Variants in FGF14 observed in about 807,000 individuals in gnomAD.
The protein encoded by FGF14 is fibroblast growth factor 14, also known as fibroblast growth factor homologous factor 4.
Under a neutral mutation model 25.5 loss-of-function variants are expected in FGF14, and 5 were observed. The observed-to-expected ratio is 0.20, with a 90% CI of 0.10 to 0.41. The LOEUF (loss-of-function observed/expected upper bound fraction) is 0.41. Among genes scored for constraint, FGF14 ranks in the 10% least tolerant of loss-of-function variants. FGF14 has a pLI of 1.00. For missense variants in FGF14, 222 were observed against 320.1 expected, an observed-to-expected ratio of 0.69 and a Z score of 2.34; for synonymous variants, 138 against 118.3, an observed-to-expected ratio of 1.17 and a Z score of -1.08.
intron 1 of FGF14, among the ~76,000 whole-genome samples, chr13:101,980,991 T>C (rs2038213498): frequency 2.7e-5 from 4 of 150,828 alleles, no homozygotes; most frequent in Admixed American, 2.6e-4. Context: ...CCTGTAATCC[T>C]AAGACTTTGG....
chr13:101,842,921 C>T (rs1404429919), intron 3 of FGF14, among the ~76,000 whole-genome samples: 2 of 152,034 alleles, frequency 1.3e-5, no homozygotes, highest in Non-Finnish European at 2.9e-5. Context: ...TTAATATTTA[C>T]ACTGGAACAA....
rs374311674 is a variant in FGF14, at chr13:102,305,223, TTC to T, written c.208+96246_208+96247del. Among the ~76,000 whole-genome samples, 106 of 152,294 alleles carry T rather than the reference TTC, an allele frequency of 7.0e-4. 1 individual carries two copies. In the South Asian group the frequency reaches 0.021, roughly 30 times the overall value. ...TGAAAAGCTTTTAGCTGACTTTTTC[TTC>T]TGTCAGTAGAGCCCTAAATATCAGT... is the stretch of plus-strand genomic sequence containing the variant. On this transcript the variant is annotated intron_variant, in intron 1 of 4. Coordinates refer to the FGF14 transcript ENST00000376131.
Position 102,380,395 on chromosome 13 carries a change from T to C in FGF14, c.208+21076A>G, listed in dbSNP as rs771449353. ...AACTTAAATATCCAAACCCAAGAAA[T>C]GTATGAAACAGAGCATGAAGTCCCT... On this transcript the variant is annotated intron_variant, in intron 1 of 4. Coordinates refer to the FGF14 transcript ENST00000376131. 4.6e-5 allele frequency among the ~76,000 whole-genome samples: 7 copies of C among 152,112 alleles called. No homozygotes were observed. In the South Asian group the frequency reaches 1.5e-3, roughly 32 times the overall value.
chr13:101,966,552 G>A (rs757724212), intron 1 of FGF14, among the ~76,000 whole-genome samples: 8 of 151,964 alleles, frequency 5.3e-5, no homozygotes, highest in South Asian at 4.2e-4. Context: ...GTGCCATCTC[G>A]CCTCACTGCA....
At chr13:101,759,215 C>G (rs569129109) in intron 3 of FGF14, among the ~76,000 whole-genome samples, 1 of 152,150 alleles carries the variant, frequency 6.6e-6, no homozygotes, top group African/African-American at 2.4e-5. Flanking sequence ...CTAACCCCAG[C>G]AATTAGGGAA....
intron 1 of FGF14, among the ~76,000 whole-genome samples, chr13:102,136,421 T>A (rs762202160): frequency 6.6e-6 from 1 of 152,146 alleles, no homozygotes; most frequent in Non-Finnish European, 1.5e-5. Flanking sequence ...ACTCAGGTAG[T>A]CTTATTACAC....
At chr13:102,039,965 T>G (rs1222116920) in intron 1 of FGF14, among the ~76,000 whole-genome samples, 1 of 138,524 alleles carries the variant, frequency 7.2e-6, no homozygotes, top group Non-Finnish European at 1.6e-5. Flanking sequence ...AATTACTTTG[T>G]GTTTACATGT....
chr13:102,165,035 T>C (rs1258994396), intron 1 of FGF14, among the ~76,000 whole-genome samples: 4 of 152,116 alleles, frequency 2.6e-5, no homozygotes, highest in African/African-American at 9.6e-5. Context: ...TAGATCAAAA[T>C]GGTGATGGGA....
rs538411415 is a variant in FGF14 at position 102,211,273 on chromosome 13, CA to C, written c.208+190197del. ...TAAATCCCTATATCTATTTTCATTC[CA>C]AAAAAATACATATTAATAATAATAT... On this transcript the variant is annotated intron_variant, in intron 1 of 4. Coordinates refer to the FGF14 transcript ENST00000376131. Among the ~76,000 whole-genome samples, 783 of 151,848 alleles carry C rather than the reference CA, an allele frequency of 5.2e-3. 13 individuals carry two copies. Among genetic ancestry groups the C allele is most frequent in the African/African-American group, 0.018 (746 of 41,374 alleles).
chr13:101,815,391 G>A (rs1354361282), intron 3 of FGF14, among the ~76,000 whole-genome samples: 1 of 152,084 alleles, frequency 6.6e-6, no homozygotes, highest in Admixed American at 6.6e-5. Flanking sequence ...GGGCAATATG[G>A]CACCTCCAAA....
intron 1 of FGF14, among the ~76,000 whole-genome samples, chr13:102,014,731 A>T (rs1232488478): frequency 1.3e-5 from 2 of 152,186 alleles, no homozygotes; most frequent in African/African-American, 4.8e-5. Context: ...TTATTTCATA[A>T]TACAGAACAG....
rs369303361 is a variant in FGF14 at position 101,915,644 on chromosome 13, GT to G, written c.193+808del. On this transcript the variant is annotated intron_variant, in intron 1 of 4. Coordinates refer to ENST00000376143, the MANE Select transcript of FGF14 (RefSeq NM_004115.4). The stretch of plus-strand genomic sequence containing the variant: ...CAGTGAAAGGTCATCCTAGGTACTA[GT>G]TTCTCAAAGAAATACCTGTAGTAAG... Among the ~76,000 whole-genome samples, 17 of 152,192 alleles carry G rather than the reference GT, an allele frequency of 1.1e-4. No homozygotes were observed. The East Asian group carries it at 3.3e-3, about 29-fold the overall frequency.
intron 1 of FGF14, among the ~76,000 whole-genome samples, chr13:102,099,061 G>C (rs1247185435): frequency 3.3e-5 from 5 of 152,174 alleles, no homozygotes; most frequent in Admixed American, 6.5e-5. Context: ...CAGGGCTCTG[G>C]AGGGGGCCAC....
chr13:102,159,076 G>A (rs1418779234), intron 1 of FGF14, among the ~76,000 whole-genome samples: 1 of 147,042 alleles, frequency 6.8e-6, no homozygotes, highest in African/African-American at 2.5e-5. Context: ...GGGGATGGAG[G>A]TTGCAGAGAG....
At chr13:101,756,112 A>C (rs1412554653) in intron 3 of FGF14, among the ~76,000 whole-genome samples, 1 of 152,176 alleles carries the variant, frequency 6.6e-6, no homozygotes, top group Non-Finnish European at 1.5e-5. Context: ...TTCAATTCAG[A>C]CTGCAACCTT....
At position 101,912,266 on chromosome 13, in the gene FGF14, A is replaced by G. The variant is rs185872777; in HGVS notation, c.193+4187T>C. Among the ~76,000 whole-genome samples the G allele has an allele frequency of 3.3e-4, 50 of 152,242 alleles. 1 individual carries two copies. Among genetic ancestry groups the G allele is most frequent in the Admixed American group, 6.5e-5 (1 of 15,278 alleles). On this transcript the variant is annotated intron_variant, in intron 1 of 4. Coordinates refer to ENST00000376143, the MANE Select transcript of FGF14 (RefSeq NM_004115.4). ...ACATACTGTAATTTATTTTAGTTAA[A>G]ATGTTAGTAAGAAGCCCAGGCACCT... is the stretch of plus-strand genomic sequence containing the variant.
intron 1 of FGF14, among the ~76,000 whole-genome samples, chr13:101,889,692 T>C (rs2046173966): frequency 6.6e-6 from 1 of 152,166 alleles, no homozygotes; most frequent in Admixed American, 6.5e-5. Context: ...ACCCAGAAAC[T>C]TCTAACATAC....
At chr13:102,245,510 G>A (rs1806462137) in intron 1 of FGF14, among the ~76,000 whole-genome samples, 1 of 151,910 alleles carries the variant, frequency 6.6e-6, no homozygotes, top group Admixed American at 6.6e-5. Flanking sequence ...AAATGAAGGA[G>A]TAAATTTATG....
intron 1 of FGF14, among the ~76,000 whole-genome samples, chr13:102,310,707 G>T (rs1460346634): frequency 9.0e-5 from 4 of 44,496 alleles, no homozygotes; most frequent in South Asian, 3.7e-3. Context: ...GGGGGGGGGG[G>T]GGTGGGGGTT....
Sources: allele counts gnomAD v4.1 joint callset (sites outside exome capture counted in the v4.1 genomes callset), GRCh38; gene constraint gnomAD v4.1.1; transcripts MANE v1.5; gene names NCBI Gene and HGNC (gene_info 2026-07-23, HGNC 2026-07-21).